The following FARP2 variants were observed in gnomAD, a reference collection of about 807,000 sequenced individuals.
FARP2 encodes the protein FERM, ARH/RhoGEF and pleckstrin domain protein 2.
Under a neutral mutation model 130.5 loss-of-function variants are expected in FARP2, and 111 were observed. That is an observed-to-expected ratio of 0.85 (90% CI 0.73 to 1.00). The LOEUF is 1.00. FARP2 is among the 50% of genes least tolerant of loss of function. FARP2 has a pLI of 0.00. For synonymous variants in FARP2, 504 were observed against 516.9 expected, an observed-to-expected ratio of 0.98 and a Z score of 0.34; for missense variants, 1,385 against 1,346.3, an observed-to-expected ratio of 1.03 and a Z score of -0.45.
At chr2:241,423,911 T>A (rs377557008) in intron 8 of FARP2, among the ~76,000 whole-genome samples, 1 of 152,162 alleles carries the variant, frequency 6.6e-6, no homozygotes, top group East Asian at 1.9e-4. Flanking sequence ...GAGCTAATTA[T>A]CCTAAATATA....
At chr2:241,381,258 G>A (rs2061656932) in intron 2 of FARP2, among the ~76,000 whole-genome samples, 1 of 152,072 alleles carries the variant, frequency 6.6e-6, no homozygotes, top group Admixed American at 6.5e-5. Flanking sequence ...GTCCTGGGGT[G>A]CCACTCCCCT....
chr2:241,366,294 C>T (rs2150289347), intron 1 of FARP2, among the ~76,000 whole-genome samples: 1 of 151,232 alleles, frequency 6.6e-6, no homozygotes, highest in South Asian at 2.1e-4. Context: ...GGCTTCATAC[C>T]ATCCCCCACA....
At chr2:241,419,393 G>GA (rs1408488319) in intron 8 of FARP2, among the ~76,000 whole-genome samples, 1 of 151,918 alleles carries the variant, frequency 6.6e-6, no homozygotes, top group African/African-American at 2.4e-5. Context: ...CACATTTCCA[G>GA]AAAAAAACAA....
At chr2:241,408,749 G>A (rs1453516577) in intron 5 of FARP2, among the ~76,000 whole-genome samples, 2 of 151,992 alleles carry the variant, frequency 1.3e-5, no homozygotes, top group Admixed American at 6.6e-5. Context: ...TTTGCCTTCT[G>A]GCTAAAAGTG....
At chr2:241,457,881 T>C (rs2063903320) in intron 14 of FARP2, among the ~76,000 whole-genome samples, 1 of 152,036 alleles carries the variant, frequency 6.6e-6, no homozygotes, top group Non-Finnish European at 1.5e-5. Context: ...GAGGGGGCGG[T>C]TCTCTGCTGT....
At position 241,462,505 on chromosome 2, in the gene FARP2, GCT is replaced by G. The variant is rs977839324; in HGVS notation, c.1588-13_1588-12del. 6.3e-7 allele frequency: 1 copy of G among 1,598,512 alleles called. No homozygotes were observed. The highest frequency in any genetic ancestry group is 1.7e-5 in the Admixed American group (1 of 59,926). On this transcript the variant is annotated splice_polypyrimidine_tract_variant and intron_variant, in intron 14 of 26. Transcript: ENST00000264042. ...CATGTCCCAGGGACGCACACTTACAGCTCTCTGCTTCTTTCAGCGCGTGCCTG... is the reference window on the plus strand; with the variant it reads ...CATGTCCCAGGGACGCACACTTACAGCTCTGCTTCTTTCAGCGCGTGCCTG...
At chr2:241,400,438 C>T (rs1438730122) in intron 2 of FARP2, among the ~76,000 whole-genome samples, 1 of 152,196 alleles carries the variant, frequency 6.6e-6, no homozygotes, top group Non-Finnish European at 1.5e-5. Context: ...AGGAGGAACA[C>T]ACCCAAACAA....
At chr2:241,402,030 T>C (rs559476514) in intron 2 of FARP2, among the ~76,000 whole-genome samples, 5 of 152,170 alleles carry the variant, frequency 3.3e-5, no homozygotes, top group Non-Finnish European at 7.3e-5. Context: ...GCTCAGGTGA[T>C]CCACCCACCT....
intron 2 of FARP2, chr2:241,395,407 A>G (rs2062006110): frequency 6.6e-6 from 1 of 152,184 alleles, no homozygotes; most frequent in South Asian, 2.1e-4. Flanking sequence ...TAGCTATTCA[A>G]ATTAAATCTG....
intron 24 of FARP2, 33 bp from the exon 25 acceptor site, chr2:241,492,896 G>A: frequency 7.7e-7 from 1 of 1,296,350 alleles, no homozygotes; most frequent in African/African-American, 1.4e-5. Context: ...CTGGGTGCTG[G>A]TTAATGCACC....
intron 13 of FARP2, chr2:241,445,026 C>G (rs929170994): frequency 6.6e-6 from 1 of 152,184 alleles, no homozygotes; most frequent in South Asian, 2.1e-4. Context: ...ACCTCCTGGG[C>G]TCAAGCCATC....
chr2:241,373,157 G>T lies in FARP2; in HGVS notation c.50G>T (p.Arg17Leu). The change falls in exon 2 of 27, where the codon CGC becomes CTC. Residue 17 changes from arginine to leucine, a missense_variant. By Grantham distance (102) the Arg-to-Leu change is moderately radical. Coordinates refer to ENST00000264042, the MANE Select transcript of FARP2 (RefSeq NM_014808.4). Reference protein sequence around the residue: ...TYRVLQTAGMRLGAQTPVGVS... With the variant: ...TYRVLQTAGMLLGAQTPVGVS... ...AGAGTCCTGCAGACTGCAGGGATGC[G>T]CTTGGGTGCCCAGACCCCTGTGGGA... 2 of 1,549,282 alleles carry T rather than the reference G, an allele frequency of 1.3e-6. No individual in the cohort carries two copies.
chr2:241,465,942 G>A (rs1365097975), intron 17 of FARP2: 1 of 1,419,130 alleles, frequency 7.0e-7, no homozygotes, highest in Non-Finnish European at 9.2e-7. Flanking sequence ...CGGAAGCTGA[G>A]TCAGGTTGTT....
chr2:241,429,581 C>T (rs2063040970), intron 8 of FARP2, among the ~76,000 whole-genome samples: 1 of 152,020 alleles, frequency 6.6e-6, no homozygotes, highest in Non-Finnish European at 1.5e-5. Flanking sequence ...ATGATGTTTG[C>T]CAGCTTTTCT....
chr2:241,377,497 G>A (rs1274179579), intron 2 of FARP2, among the ~76,000 whole-genome samples: 2 of 151,940 alleles, frequency 1.3e-5, no homozygotes, highest in East Asian at 1.9e-4. Context: ...GCCCGCCACC[G>A]CGCCTGGCTA....
chr2:241,474,317 C>CAAACAAAAAAAA (rs2064396189), intron 18 of FARP2, among the ~76,000 whole-genome samples: 1 of 46,652 alleles, frequency 2.1e-5, no homozygotes, highest in Non-Finnish European at 3.6e-5. Context: ...GATTCCGTCT[C>CAAACAAAAAAAA]AAAAAAAAAA....
intron 11 of FARP2, among the ~76,000 whole-genome samples, chr2:241,435,273 T>G (rs949969765): frequency 5.3e-5 from 8 of 150,546 alleles, no homozygotes; most frequent in Non-Finnish European, 7.4e-5. Context: ...TTTTTTTGTT[T>G]TTTTTTTTTT....
chr2:241,433,014 G>A (rs576295124), intron 9 of FARP2, among the ~76,000 whole-genome samples: 2 of 152,254 alleles, frequency 1.3e-5, no homozygotes, highest in African/African-American at 2.4e-5. Context: ...TTTGGTAGAA[G>A]GCTTGAAAGT....
At position 241,494,108 on chromosome 2, in the gene FARP2, A is replaced by AG; in HGVS notation, c.3153dup (p.Lys1052GlufsTer131). On this transcript the variant is annotated frameshift_variant, in exon 27 of 27. Coordinates refer to ENST00000264042, the MANE Select transcript of FARP2 (RefSeq NM_014808.4). LOFTEE classifies it high-confidence loss of function. The surrounding 1 kb of genome is among the most constrained non-coding windows in gnomAD (Gnocchi z 4.9). Reference sequence around the variant, plus strand: ...CTCCTCAGGGCTGGAGGGGATGGTCAGGGGGAAGGAGGAATGACGCTCAAC... The same window carrying AG: ...CTCCTCAGGGCTGGAGGGGATGGTCAGGGGGGAAGGAGGAATGACGCTCAAC... 1 of 1,477,350 alleles carries AG rather than the reference A, an allele frequency of 6.8e-7. No individual in the cohort carries two copies. Among genetic ancestry groups the AG allele is most frequent in the Non-Finnish European group, 8.9e-7 (1 of 1,122,406 alleles). The allele number at this position is 1,477,350 out of a possible 1,614,324, so 91.5% of individuals were successfully genotyped here.
Sources: gnomAD v4.1 joint callset for allele counts (sites outside exome capture counted in the v4.1 genomes callset) on GRCh38, gnomAD v4.1.1 for gene constraint, Gnocchi (gnomAD v3.1) non-coding constraint, MANE v1.5 for transcripts, NCBI Gene and HGNC (gene_info 2026-07-23, HGNC 2026-07-21) for gene names.